Variants in ANK2 observed in about 807,000 individuals in gnomAD.
ANK2 encodes the protein ankyrin 2.
In ANK2, 83 loss-of-function variants were observed where a neutral mutation model predicts 360.5. The observed-to-expected ratio is 0.23, with a 90% CI of 0.19 to 0.28. The LOEUF (loss-of-function observed/expected upper bound fraction) is 0.28, where lower values mean the gene tolerates loss of function less well. Ranked by LOEUF, ANK2 falls within the 10% of genes least tolerant of loss-of-function variation. The pLI is 1.00. For missense variants in ANK2, 4,201 were observed against 4,795.7 expected, an observed-to-expected ratio of 0.88 and a Z score of 3.66; for synonymous variants, 1,740 against 1,759.5, an observed-to-expected ratio of 0.99 and a Z score of 0.28.
chr4:113,328,910 A>G (rs555720256), intron 26 of ANK2, among the ~76,000 whole-genome samples: 2 of 152,338 alleles, frequency 1.3e-5, no homozygotes, highest in South Asian at 4.1e-4. Context: ...TTTATATCCC[A>G]TAACTTACTT....
intron 2 of ANK2, among the ~76,000 whole-genome samples, chr4:112,924,942 A>C (rs968189939): frequency 2.7e-5 from 4 of 150,442 alleles, no homozygotes; most frequent in Middle Eastern, 3.4e-3. Context: ...CGGTTCACGC[A>C]ATCCTACTGC....
intron 1 of ANK2, among the ~76,000 whole-genome samples, chr4:113,082,817 C>A (rs955907118): frequency 6.6e-6 from 1 of 152,030 alleles, no homozygotes; most frequent in Non-Finnish European, 1.5e-5. Context: ...TTCTTCTTAA[C>A]GTTTTATATA....
chr4:113,373,141 A>T lies in ANK2; in HGVS notation c.11662A>T (p.Ile3888Phe). The T allele has an allele frequency of 6.2e-7, 1 of 1,614,184 alleles. No homozygotes were observed. Among genetic ancestry groups the T allele is most frequent in the Non-Finnish European group, 8.5e-7 (1 of 1,180,002 alleles). The change falls in exon 44 of 46, where the codon ATT becomes TTT. Residue 3888 changes from isoleucine (I) to phenylalanine (F), a missense_variant. This residue lies in a region of ANK2 where 2,642 missense variants were observed against 2,714.5 expected (regional missense o/e 0.97). Coordinates refer to ENST00000357077, the MANE Select transcript of ANK2 (RefSeq NM_001148.6). ...PPETVTEEEY[I>F]DEHGHTVVKK... ...AGAAACAGTCACAGAAGAAGAATAC[A>T]TTGATGAGCATGGACACACCGTGGT...
At chr4:112,816,317 A>G (rs563101720), upstream of ANK2, among the ~76,000 whole-genome samples, 1 of 152,340 alleles carries the variant, frequency 6.6e-6, no homozygotes, top group South Asian at 2.1e-4. Context: ...CCAATAGAGA[A>G]CAAATGGAAA....
chr4:112,985,576 G>A (rs1417749936), intron 2 of ANK2, among the ~76,000 whole-genome samples: 1 of 152,216 alleles, frequency 6.6e-6, no homozygotes, highest in Non-Finnish European at 1.5e-5. Flanking sequence ...ATTTATGAGG[G>A]CATTAGTTAT....
chr4:112,903,099 C>T (rs1210576755), intron 1 of ANK2, among the ~76,000 whole-genome samples: 1 of 152,186 alleles, frequency 6.6e-6, no homozygotes, highest in Non-Finnish European at 1.5e-5. Context: ...GGTCCTCAAA[C>T]TTCCAGCTGC....
chr4:113,290,808 A>G (rs952528843), intron 20 of ANK2, among the ~76,000 whole-genome samples: 3 of 152,196 alleles, frequency 2.0e-5, no homozygotes, highest in Non-Finnish European at 4.4e-5. Flanking sequence ...AGAGAGGATT[A>G]AGGGTTTGCA....
upstream of ANK2, among the ~76,000 whole-genome samples, chr4:113,046,894 A>C (rs766003984): frequency 8.5e-5 from 13 of 152,242 alleles, no homozygotes; most frequent in Non-Finnish European, 1.8e-4. Flanking sequence ...TTACTAATTC[A>C]TAAACTGTTG....
chr4:113,350,629 C>G (rs2095351556), intron 37 of ANK2: 1 of 222,926 alleles, frequency 4.5e-6, no homozygotes, highest in Non-Finnish European at 9.0e-6. Context: ...TTATGTAATG[C>G]AATAGTGACT....
intron 40 of ANK2, among the ~76,000 whole-genome samples, chr4:113,364,062 T>A (rs2096394676): frequency 6.6e-6 from 1 of 152,188 alleles, no homozygotes; most frequent in Admixed American, 6.5e-5. Context: ...TTTGTTATTG[T>A]TTGTTTATGA....
chr4:113,369,660 G>T lies in ANK2; in HGVS notation c.11465G>T (p.Gly3822Val), dbSNP rs79577190. 9 of 1,613,956 alleles carry T rather than the reference G, an allele frequency of 5.6e-6. No homozygotes were observed. The highest frequency in any genetic ancestry group is 1.7e-5 in the Admixed American group (1 of 59,992). Residue 3822 changes from glycine (G) to valine (V), a missense_variant, in exon 43 of 46, where the codon GGC (glycine) becomes GTC (valine). Physicochemically the swap from Gly to Val is moderately radical, Grantham distance 109. Transcript: ENST00000357077. ...LQTPTSSERG[G>V]SPIIQEPEEP... ...ACCCCAACATCCAGCGAGCGGGGAG[G>T]CTCTCCCATCATACAAGAACCCGAA...
intron 14 of ANK2, among the ~76,000 whole-genome samples, chr4:113,271,613 G>A (rs2058558197): frequency 6.6e-6 from 1 of 152,332 alleles, no homozygotes; most frequent in South Asian, 2.1e-4. Flanking sequence ...CTCCAAGGTT[G>A]AGATTGCTGC....
chr4:112,852,578 T>A (rs1432606730), intron 1 of ANK2, among the ~76,000 whole-genome samples: 1 of 152,242 alleles, frequency 6.6e-6, no homozygotes, highest in Non-Finnish European at 1.5e-5. Flanking sequence ...TTATTTAATA[T>A]GTTTGAAGTT....
chr4:113,071,007 G>T (rs1288581083), intron 1 of ANK2, among the ~76,000 whole-genome samples: 1 of 152,006 alleles, frequency 6.6e-6, no homozygotes, highest in Admixed American at 6.6e-5. Flanking sequence ...GAGAAGTTAT[G>T]AGTCAAGAAT....
At chr4:113,280,408 G>T (rs557927206) in intron 17 of ANK2, among the ~76,000 whole-genome samples, 1 of 152,144 alleles carries the variant, frequency 6.6e-6, no homozygotes, top group Non-Finnish European at 1.5e-5. Context: ...GTCTACTCCA[G>T]AGTCCACAGT....
chr4:112,856,715 G>T (rs1409490692), intron 1 of ANK2, among the ~76,000 whole-genome samples: 3 of 152,192 alleles, frequency 2.0e-5, no homozygotes, highest in African/African-American at 7.2e-5. Flanking sequence ...GTAACAGAGC[G>T]AGACTCCGTC....
At chr4:113,172,965 A>G (rs2098040928) in intron 1 of ANK2, among the ~76,000 whole-genome samples, 1 of 152,204 alleles carries the variant, frequency 6.6e-6, no homozygotes, top group Non-Finnish European at 1.5e-5. Context: ...AGCATTGCAG[A>G]TATTCTTGGG....
rs1563996310 is a variant in ANK2, at chr4:113,354,092, C to G, written c.5474C>G (p.Pro1825Arg). The change falls in exon 38 of 46, where the codon CCT becomes CGT. Residue 1825 changes from proline to arginine, a missense_variant. By Grantham distance (103) the Pro-to-Arg change is moderately radical. Coordinates refer to ENST00000357077, the MANE Select transcript of ANK2 (RefSeq NM_001148.6). ...AGACATGCGCCAGGGTCTCCCTCCC[C>G]TAAAACAGAAAGACACTCTACTCTT... ...SERHAPGSPS[P>R]KTERHSTLSS... 6.2e-7 allele frequency: 1 copy of G among 1,614,068 alleles called. No individual in the cohort carries two copies. The highest frequency in any genetic ancestry group is 8.5e-7 in the Non-Finnish European group (1 of 1,179,976).
chr4:113,027,284 C>T (rs28642004), intron 2 of ANK2, among the ~76,000 whole-genome samples: 2,219 of 152,200 alleles, frequency 0.015, 40 homozygotes, highest in African/African-American at 0.039. Context: ...AGTACCATCG[C>T]TAACTCACAG....
Sources: gnomAD v4.1 joint callset for allele counts (sites outside exome capture counted in the v4.1 genomes callset) on GRCh38, gnomAD v4.1.1 for gene constraint, gnomAD v4.1.1 regional missense constraint, MANE v1.5 for transcripts, NCBI Gene and HGNC (gene_info 2026-07-23, HGNC 2026-07-21) for gene names.